ARIH1: variants seen among roughly 807,000 people sequenced by gnomAD.
ARIH1 encodes E3 ubiquitin-protein ligase ARIH1.
ARIH1 carries 8 observed loss-of-function variants against 85.0 expected under a neutral mutation model. That is an observed-to-expected ratio of 0.09 (90% CI 0.06 to 0.17). The LOEUF (loss-of-function observed/expected upper bound fraction) is 0.17. ARIH1 is among the 10% of genes least tolerant of loss of function. ARIH1 has a pLI of 1.00. For missense variants in ARIH1, 311 were observed against 718.1 expected, an observed-to-expected ratio of 0.43 and a Z score of 6.48; for synonymous variants, 238 against 253.6, an observed-to-expected ratio of 0.94 and a Z score of 0.59.
chr15:72,579,957 A>G (rs930691986), intron 11 of ARIH1, among the ~76,000 whole-genome samples: 1 of 152,150 alleles, frequency 6.6e-6, no homozygotes, highest in Non-Finnish European at 1.5e-5. Flanking sequence ...ATTTGAAATG[A>G]TACTTATTTT....
In ARIH1 at chr15:72,572,162, G is replaced by A. The variant is rs765287093; in HGVS notation, c.1212G>A (p.Gln404=). ...ATGCAAAGGCAGCAAGAGATGCACA[G>A]GAGGTAAGTATATGTATAACAGGAC... The part of the protein sequence containing the change: ...EDDAKAARDA[Q]ERSRAALQRY... The change falls in exon 11 of 14, where the codon CAG becomes CAA. Residue 404 remains glutamine, a synonymous_variant. Transcript: ENST00000379887. 6.2e-7 allele frequency: 1 copy of A among 1,601,384 alleles called. No homozygotes were observed. The highest frequency in any genetic ancestry group is 1.7e-5 in the Admixed American group (1 of 59,902).
chr15:72,520,965 C>T (rs2063996980), intron 2 of ARIH1, among the ~76,000 whole-genome samples: 1 of 151,910 alleles, frequency 6.6e-6, no homozygotes, highest in Non-Finnish European at 1.5e-5. Context: ...CATTTCAGCA[C>T]CCCCAGTAGC....
rs184222748 is a variant in ARIH1, at chr15:72,503,065, G to A, written c.376-15002G>A. On this transcript the variant is annotated intron_variant, in intron 1 of 13. Coordinates refer to ENST00000379887, the MANE Select transcript of ARIH1 (RefSeq NM_005744.5). ...GAGATTGTGTGGATTGTCTCCCTTA[G>A]CCCCACTAGGTGCTTCTCTGTCCTA... 5.2e-4 allele frequency among the ~76,000 whole-genome samples: 79 copies of A among 152,244 alleles called. No homozygotes were observed. In the East Asian group the frequency reaches 0.014, roughly 27 times the overall value.
rs796568522 is a variant in ARIH1 at position 72,597,336 on chromosome 15, C to T, written c.*14044C>T. 2.0e-5 allele frequency: 3 copies of T among 152,102 alleles called. No homozygotes were observed. The highest frequency in any genetic ancestry group is 4.4e-5 in the Non-Finnish European group (3 of 68,024). 9.4% of individuals were successfully genotyped at this position (152,102 alleles called of 1,614,324 possible). A position where few individuals can be genotyped will look rare whatever the true frequency, so the allele number is the denominator to read the frequency against. ...CCAGGGCCTGAGTTTTGGGCATTGG[C>T]AAGATTCCAGAGATCTGACTTTGCT... is the stretch of plus-strand genomic sequence containing the variant. On this transcript the variant is annotated 3_prime_UTR_variant, in exon 14 of 14. Coordinates refer to ENST00000379887, the MANE Select transcript of ARIH1 (RefSeq NM_005744.5).
chr15:72,479,936 C>G (rs1440726509), intron 1 of ARIH1, among the ~76,000 whole-genome samples: 1 of 148,864 alleles, frequency 6.7e-6, no homozygotes, highest in African/African-American at 2.5e-5. Context: ...GGTGCGATCT[C>G]GGCTCACCGC....
chr15:72,565,222 ATTTT>A (rs1267722165), intron 7 of ARIH1, among the ~76,000 whole-genome samples: 1 of 151,950 alleles, frequency 6.6e-6, no homozygotes, highest in African/African-American at 2.4e-5. Context: ...CGCCTGGCTA[ATTTT>A]TATTTATTTA....
intron 1 of ARIH1, among the ~76,000 whole-genome samples, chr15:72,494,204 T>G (rs948469432): frequency 3.3e-5 from 5 of 152,214 alleles, no homozygotes; most frequent in African/African-American, 1.2e-4. Context: ...TGAGATTTCT[T>G]TAGCTGCCAC....
chr15:72,503,905 C>T (rs2063913544), intron 1 of ARIH1, among the ~76,000 whole-genome samples: 1 of 152,194 alleles, frequency 6.6e-6, no homozygotes, highest in Non-Finnish European at 1.5e-5. Context: ...GCCTGCAACC[C>T]CTGAAGCCCT....
chr15:72,520,712 A>G (rs966586412), intron 2 of ARIH1, among the ~76,000 whole-genome samples: 3 of 152,208 alleles, frequency 2.0e-5, no homozygotes, highest in African/African-American at 7.2e-5. Context: ...ACTTACAACT[A>G]TATAAAAGTT....
chr15:72,523,206 C>G (rs957850535), intron 2 of ARIH1, among the ~76,000 whole-genome samples: 1 of 152,198 alleles, frequency 6.6e-6, no homozygotes, highest in Non-Finnish European at 1.5e-5. Flanking sequence ...TTCATAGCAG[C>G]TTTATTCATA....
intron 1 of ARIH1, among the ~76,000 whole-genome samples, chr15:72,476,959 G>A (rs1179317482): frequency 6.6e-6 from 1 of 152,064 alleles, no homozygotes; most frequent in East Asian, 1.9e-4. Flanking sequence ...TCTGTTATTT[G>A]CCTTCCTTTT....
intron 9 of ARIH1, among the ~76,000 whole-genome samples, chr15:72,569,742 T>C (rs2064235322): frequency 6.6e-6 from 1 of 152,226 alleles, no homozygotes; most frequent in South Asian, 2.1e-4. Context: ...TTATCTCCTA[T>C]AGTACTGTTA....
intron 1 of ARIH1, among the ~76,000 whole-genome samples, chr15:72,478,577 T>C (rs966015524): frequency 1.3e-5 from 2 of 152,200 alleles, no homozygotes; most frequent in Non-Finnish European, 2.9e-5. Context: ...CCAGGCATTA[T>C]GTTAAGCAGA....
In ARIH1 at chr15:72,591,099, G is replaced by GT. The variant is rs1382226263; in HGVS notation, c.*7808dup. 14 of 151,580 alleles carry GT rather than the reference G, an allele frequency of 9.2e-5. No individual in the cohort carries two copies. Among genetic ancestry groups the GT allele is most frequent in the Non-Finnish European group, 2.1e-4 (14 of 67,990 alleles). The allele number at this position is 151,580 out of a possible 1,614,324, so 9.4% of individuals were successfully genotyped here. On this transcript the variant is annotated 3_prime_UTR_variant, in exon 14 of 14. Transcript: ENST00000379887. ...TAGCCAGGCATGGTGGTGCATGCCT[G>GT]TAATTCCAGCTGCTCGGAAGGCTGA... is the stretch of plus-strand genomic sequence containing the variant.
chr15:72,537,042 A>C (rs1349547638), intron 2 of ARIH1, among the ~76,000 whole-genome samples: 1 of 152,174 alleles, frequency 6.6e-6, no homozygotes, highest in Non-Finnish European at 1.5e-5. Flanking sequence ...TTAGCTTAAG[A>C]AACCTAAGTC....
chr15:72,491,473 A>G (rs1409346926), intron 1 of ARIH1, among the ~76,000 whole-genome samples: 1 of 152,124 alleles, frequency 6.6e-6, no homozygotes, highest in Non-Finnish European at 1.5e-5. Flanking sequence ...TTGTTTGATC[A>G]GTGTATTAAT....
chr15:72,554,017 C>T (rs2064164161), intron 3 of ARIH1, among the ~76,000 whole-genome samples: 1 of 152,300 alleles, frequency 6.6e-6, no homozygotes, highest in Non-Finnish European at 1.5e-5. Context: ...ACCTTGGAAA[C>T]AAGGTTCATC....
rs555726033 is a variant in ARIH1 at position 72,558,476 on chromosome 15, A to G, written c.737+2569A>G. On this transcript the variant is annotated intron_variant, in intron 5 of 13. Transcript: ENST00000379887. Reference sequence around the variant, plus strand: ...ACCATCACGTCCGGATAAGTTTTGTATTTTTAGTAGAGACAGAGTTTCGTC... The same window carrying G: ...ACCATCACGTCCGGATAAGTTTTGTGTTTTTAGTAGAGACAGAGTTTCGTC... Among the ~76,000 whole-genome samples the G allele has an allele frequency of 1.9e-3, 294 of 152,070 alleles. 1 individual carries two copies. The highest frequency in any genetic ancestry group is 3.7e-3 in the Non-Finnish European group (249 of 68,016).
intron 10 of ARIH1, 26 bp from the exon 11 acceptor site, chr15:72,572,082 A>G (rs774057555): frequency 2.8e-6 from 4 of 1,442,288 alleles, no homozygotes; most frequent in Non-Finnish European, 2.8e-6. Flanking sequence ...TTTTTTCTTT[A>G]TGGAATCCTC....
Sources: allele counts gnomAD v4.1 joint callset (sites outside exome capture counted in the v4.1 genomes callset), GRCh38; gene constraint gnomAD v4.1.1; transcripts MANE v1.5; gene names NCBI Gene and HGNC (gene_info 2026-07-23, HGNC 2026-07-21).